The following BLK variants were observed in gnomAD, a reference collection of about 807,000 sequenced individuals.
The protein encoded by BLK is BLK proto-oncogene, Src family tyrosine kinase.
BLK carries 64 observed loss-of-function variants against 61.8 expected under a neutral mutation model. The ratio of observed to expected loss-of-function variants is 1.03; its 90% confidence interval spans 0.85 to 1.27. The LOEUF is 1.27. Among genes scored for constraint, BLK ranks in the 50% most tolerant of loss-of-function variants. The pLI is 0.00. For synonymous variants in BLK, 351 were observed against 272.0 expected (o/e 1.29, Z -2.86); for missense variants, 853 against 660.5 (o/e 1.29, Z -3.19).
chr8:11,556,305 G>A (rs930198638), intron 8 of BLK: 1 of 364,398 alleles, frequency 2.7e-6, no homozygotes, highest in South Asian at 2.3e-5. Context: ...CAGGCTGTGT[G>A]CTTATTTCCA....
chr8:11,535,880 T>C (rs1458324512), intron 1 of BLK, among the ~76,000 whole-genome samples: 3 of 152,146 alleles, frequency 2.0e-5, no homozygotes, highest in Non-Finnish European at 2.9e-5. Flanking sequence ...TGATGAACCA[T>C]CACAAGGACG....
At chr8:11,555,666 A>C (rs1801178952) in intron 8 of BLK, 182 bp downstream of exon 8, 2 of 942,598 alleles carry the variant, frequency 2.1e-6, no homozygotes, top group African/African-American at 3.3e-5. Flanking sequence ...CCGCGTTGTA[A>C]CAGCTGGGAC....
At chr8:11,545,025 C>T (rs139650755) in intron 2 of BLK, among the ~76,000 whole-genome samples, 212 of 152,304 alleles carry the variant, frequency 1.4e-3, no homozygotes, top group Non-Finnish European at 2.3e-3. Context: ...AATATTATCA[C>T]ATATGTATTA....
intron 1 of BLK, among the ~76,000 whole-genome samples, chr8:11,501,296 G>T (rs1450352879): frequency 2.0e-5 from 3 of 151,464 alleles, no homozygotes; most frequent in Non-Finnish European, 4.4e-5. Flanking sequence ...AGGGTCAAAA[G>T]TCATAGCCCA....
chr8:11,523,545 T>A (rs1385456381), intron 1 of BLK, among the ~76,000 whole-genome samples: 1 of 152,086 alleles, frequency 6.6e-6, no homozygotes. Context: ...AGAGCAAGAC[T>A]CCATCTCAAA....
At chr8:11,522,329 A>C (rs1563437340) in intron 1 of BLK, among the ~76,000 whole-genome samples, 1 of 152,266 alleles carries the variant, frequency 6.6e-6, no homozygotes, top group Non-Finnish European at 1.5e-5. Context: ...TTTATTACCT[A>C]TTCCACTAGT....
intron 10 of BLK, chr8:11,559,818 C>T (rs1012375748): frequency 2.0e-5 from 9 of 456,070 alleles, no homozygotes; most frequent in Non-Finnish European, 3.1e-5. Flanking sequence ...ATGGCTCAAG[C>T]GTAATGTCAT....
intron 11 of BLK, among the ~76,000 whole-genome samples, chr8:11,562,487 A>T (rs1237185229): frequency 1.3e-5 from 2 of 152,182 alleles, no homozygotes; most frequent in African/African-American, 4.8e-5. Context: ...GGCTGCAGCC[A>T]TTGAGGTGCT....
At chr8:11,510,967 A>G (rs912582662) in intron 1 of BLK, among the ~76,000 whole-genome samples, 11 of 152,198 alleles carry the variant, frequency 7.2e-5, no homozygotes, top group African/African-American at 2.7e-4. Context: ...TGGCATTTTA[A>G]AACACATGGA....
Position 11,533,358 on chromosome 8 carries a change from G to A in BLK, c.-1-9866G>A, listed in dbSNP as rs187129600. 9.5e-4 allele frequency among the ~76,000 whole-genome samples: 144 copies of A among 152,156 alleles called. 2 individuals are homozygous for A. The highest frequency in any genetic ancestry group is 9.4e-3 in the Admixed American group (143 of 15,282). On this transcript the variant is annotated intron_variant, in intron 1 of 12. Coordinates refer to ENST00000259089, the MANE Select transcript of BLK (RefSeq NM_001715.3). The stretch of plus-strand genomic sequence containing the variant: ...CCGATGGAGGTGCTTCTCACTGCAC[G>A]CTCCCTTCTTACACATTCCACCTCT...
intron 6 of BLK, chr8:11,552,500 G>A (rs1412630728): frequency 6.6e-6 from 1 of 152,148 alleles, no homozygotes; most frequent in African/African-American, 2.4e-5. Context: ...GATGACATAA[G>A]TGTTTTATTG....
intron 1 of BLK, among the ~76,000 whole-genome samples, chr8:11,521,979 T>A (rs1799470955): frequency 6.6e-6 from 1 of 152,220 alleles, no homozygotes. Flanking sequence ...GGAATATAGA[T>A]TGGAAACACA....
At chr8:11,546,583 G>GT (rs1585393685) in intron 3 of BLK, among the ~76,000 whole-genome samples, 17 of 151,132 alleles carry the variant, frequency 1.1e-4, no homozygotes, top group East Asian at 7.8e-4. Flanking sequence ...GACTCCACTT[G>GT]GTTTTTTTTG....
intron 1 of BLK, among the ~76,000 whole-genome samples, chr8:11,517,157 T>G (rs1799262544): frequency 6.6e-6 from 1 of 152,074 alleles, no homozygotes; most frequent in Admixed American, 6.5e-5. Context: ...AGGGAGGAGT[T>G]GCTGTGTGTA....
At position 11,553,875 on chromosome 8, in the gene BLK, G is replaced by A. The variant is rs970117498; in HGVS notation, c.473-868G>A. On this transcript the variant is annotated intron_variant, in intron 6 of 12. Coordinates refer to ENST00000259089, the MANE Select transcript of BLK (RefSeq NM_001715.3). Reference sequence around the variant, plus strand: ...AGAGGAAAGAGCCTTAAGTCAAACAGGACCGCGGAAAACCAAGCGTCCACA... The same window carrying A: ...AGAGGAAAGAGCCTTAAGTCAAACAAGACCGCGGAAAACCAAGCGTCCACA... Among the ~76,000 whole-genome samples, 5 of 152,196 alleles carry A rather than the reference G, an allele frequency of 3.3e-5. No homozygotes were observed. The South Asian group carries it at 8.3e-4, about 25-fold the overall frequency.
chr8:11,522,888 C>G (rs977241785), intron 1 of BLK, among the ~76,000 whole-genome samples: 1 of 152,094 alleles, frequency 6.6e-6, no homozygotes, highest in Non-Finnish European at 1.5e-5. Flanking sequence ...CACCTACTAA[C>G]TCCATGATCA....
intron 1 of BLK, among the ~76,000 whole-genome samples, chr8:11,518,975 G>A (rs928098598): frequency 3.9e-5 from 6 of 152,080 alleles, no homozygotes; most frequent in African/African-American, 1.4e-4. Context: ...ATACCCCTGG[G>A]CCTGTGCGAT....
At chr8:11,554,196 A>G (rs2117534952) in intron 6 of BLK, 1 of 163,536 alleles carries the variant, frequency 6.1e-6, no homozygotes, top group South Asian at 1.6e-4. Flanking sequence ...CTGCGGGAAA[A>G]CATTAACCTA....
At chr8:11,540,859 A>G (rs1352372345) in intron 1 of BLK, among the ~76,000 whole-genome samples, 1 of 182 alleles carries the variant, frequency 5.5e-3, no homozygotes, top group Non-Finnish European at 0.025. Context: ...AGAAGATAGA[A>G]AAAAAAAAAA....
Sources: allele counts gnomAD v4.1 joint callset (sites outside exome capture counted in the v4.1 genomes callset), GRCh38; gene constraint gnomAD v4.1.1; transcripts MANE v1.5; gene names NCBI Gene and HGNC (gene_info 2026-07-23, HGNC 2026-07-21).